The following NCF2 variants were observed in gnomAD, a reference collection of about 807,000 sequenced individuals.
NCF2 encodes neutrophil cytosol factor 2.
Under a neutral mutation model 70.9 loss-of-function variants are expected in NCF2, and 45 were observed. The ratio of observed to expected loss-of-function variants is 0.63; its 90% CI spans 0.50 to 0.81. The LOEUF (loss-of-function observed/expected upper bound fraction) is 0.81. Among genes scored for constraint, NCF2 ranks in the 40% least tolerant of loss-of-function variants. NCF2 has a pLI of 0.00. For synonymous variants in NCF2, 203 were observed against 233.6 expected, an observed-to-expected ratio of 0.87 and a Z score of 1.19; for missense variants, 522 against 631.6, an observed-to-expected ratio of 0.83 and a Z score of 1.86.
At chr1:183,580,516 C>T (rs1431994541) in intron 2 of NCF2, among the ~76,000 whole-genome samples, 1 of 152,174 alleles carries the variant, frequency 6.6e-6, no homozygotes, top group Non-Finnish European at 1.5e-5. Flanking sequence ...CTGAAGGTCT[C>T]AGAGGGCACA....
chr1:183,590,386 T>G lies in NCF2; in HGVS notation c.-57A>C, dbSNP rs1466179960. On this transcript the variant is annotated 5_prime_UTR_variant, in exon 1 of 15. Coordinates refer to ENST00000367535, the MANE Select transcript of NCF2 (RefSeq NM_000433.4). ...TGCCAGGAGACAGAGAGAAGACAGG[T>G]TGGAGCGTCTCCCCTAGCAGGGCTG... 6 of 1,603,584 alleles carry G rather than the reference T, an allele frequency of 3.7e-6. No homozygotes were observed. The highest frequency in any genetic ancestry group is 5.1e-6 in the Non-Finnish European group (6 of 1,171,592).
At chr1:183,587,104 C>G in intron 1 of NCF2, 127 bp from the exon 2 acceptor site, 5 of 863,096 alleles carry the variant, frequency 5.8e-6, no homozygotes, top group Non-Finnish European at 9.9e-6. Context: ...GTCGGCACCT[C>G]GAGGCCCACC....
upstream of NCF2, chr1:183,590,563 G>A: frequency 1.7e-6 from 1 of 597,192 alleles, no homozygotes; most frequent in Non-Finnish European, 3.0e-6. Flanking sequence ...AGAGAGAAAA[G>A]GAAAGAAGCA....
At chr1:183,591,951 C>T (rs1673672692), upstream of NCF2, among the ~76,000 whole-genome samples, 1 of 152,074 alleles carries the variant, frequency 6.6e-6, no homozygotes, top group South Asian at 2.1e-4. Context: ...TTACTAGTCT[C>T]TGAAAAAACA....
chr1:183,593,903 A>G (rs1463637372), upstream of NCF2, among the ~76,000 whole-genome samples: 2 of 152,100 alleles, frequency 1.3e-5, no homozygotes, highest in Non-Finnish European at 2.9e-5. Flanking sequence ...TCTGGGAAAG[A>G]TTTCTTCCCC....
chr1:183,572,082 G>A (rs538735832), intron 5 of NCF2, among the ~76,000 whole-genome samples: 1 of 152,208 alleles, frequency 6.6e-6, no homozygotes, highest in Non-Finnish European at 1.5e-5. Context: ...CGACCACTGG[G>A]CAACTTTAGC....
rs544745512 is a variant in NCF2, at chr1:183,590,241, C to T, written c.89G>A (p.Ser30Asn). The T allele has an allele frequency of 2.4e-5, 38 of 1,614,176 alleles. 3 individuals carry two copies. The South Asian group carries it at 3.6e-4, about 15-fold the overall frequency. Residue 30 changes from serine (S) to asparagine (N), a missense_variant, in exon 1 of 15, where the codon AGT (serine) becomes AAT (asparagine). Transcript: ENST00000367535. ...CCGGGAGTGGGGGTCCTGGACGGCA[C>T]TGAAGGCATCCAGGGCTCCCTTCCA... ...KDWKGALDAF[S>N]AVQDPHSRIC...
rs534490818 is a variant in NCF2, at chr1:183,556,145, A to C, written c.1554T>G (p.Asp518Glu). 15 of 1,614,188 alleles carry C rather than the reference A, an allele frequency of 9.3e-6. No individual in the cohort carries two copies. Among genetic ancestry groups the C allele is most frequent in the Middle Eastern group, 1.6e-4 (1 of 6,062 alleles). ...AGACTTCTCTCCGAGTGCTTTCCAA[A>C]TCTGTAGTTGCGCAGTCTTCAACAA... is the stretch of plus-strand genomic sequence containing the variant. ...KVFVEDCATT[D>E]LESTRREV The change falls in exon 15 of 15, where the codon GAT becomes GAG. Residue 518 changes from aspartate to glutamate, a missense_variant. Coordinates refer to ENST00000367535, the MANE Select transcript of NCF2 (RefSeq NM_000433.4).
chr1:183,557,864 A>G (rs964254744), intron 14 of NCF2, among the ~76,000 whole-genome samples: 4 of 151,856 alleles, frequency 2.6e-5, no homozygotes, highest in Non-Finnish European at 4.4e-5. Flanking sequence ...CTCTGCTTCT[A>G]TATTACTACT....
At chr1:183,597,541 C>G in the NCF2 span, among the ~76,000 whole-genome samples, 2 of 152,170 alleles carry the variant, frequency 1.3e-5, no homozygotes, top group African/African-American at 4.8e-5. Flanking sequence ...GAGGTCTGGA[C>G]TTCTATTGAT....
upstream of NCF2, among the ~76,000 whole-genome samples, chr1:183,594,362 T>A (rs1673734894): frequency 6.6e-6 from 1 of 152,194 alleles, no homozygotes; most frequent in Non-Finnish European, 1.5e-5. Flanking sequence ...TGAGTGATGA[T>A]CACGCCACTG....
the NCF2 span, among the ~76,000 whole-genome samples, chr1:183,598,571 C>G: frequency 5.2e-4 from 79 of 151,604 alleles, no homozygotes; most frequent in African/African-American, 1.8e-3. Context: ...CCAGAGTGAG[C>G]TGAGGCTGCA....
In NCF2 at chr1:183,563,996, A is replaced by T. The variant is rs2102884037; in HGVS notation, c.1026+9T>A. ...TACCACTTGAAACAGTATGAGGGAA[A>T]AATGTTACCTTAGGCTCTTCTTTTT... On this transcript the variant is annotated intron_variant, in intron 11 of 14. Coordinates refer to ENST00000367535, the MANE Select transcript of NCF2 (RefSeq NM_000433.4). The T allele has an allele frequency of 1.2e-6, 2 of 1,607,242 alleles. No individual in the cohort carries two copies. The highest frequency in any genetic ancestry group is 3.3e-5 in the Admixed American group (2 of 60,010).
In NCF2 at chr1:183,565,687, GC is replaced by G. The variant is rs1199825691; in HGVS notation, c.1000+16del. 6.2e-7 allele frequency: 1 copy of G among 1,611,212 alleles called. No homozygotes were observed. Among genetic ancestry groups the G allele is most frequent in the Non-Finnish European group, 8.5e-7 (1 of 1,178,980 alleles). Reference sequence around the variant, plus strand: ...CTGCTGCACCCAGACCTAGGCTGTGGCTCCAGGACCACTCACCTGGTGACAG... The same window carrying G: ...CTGCTGCACCCAGACCTAGGCTGTGGTCCAGGACCACTCACCTGGTGACAG... On this transcript the variant is annotated intron_variant, in intron 10 of 14. Transcript: ENST00000367535.
At chr1:183,599,420 TTCC>T in the NCF2 span, among the ~76,000 whole-genome samples, 1 of 137,064 alleles carries the variant, frequency 7.3e-6, no homozygotes, top group Non-Finnish European at 1.6e-5. Context: ...CTTTCTTTCT[TTCC>T]TTCTTTCTTT....
intron 2 of NCF2, among the ~76,000 whole-genome samples, chr1:183,584,667 G>A (rs536870357): frequency 7.2e-5 from 11 of 152,206 alleles, no homozygotes; most frequent in East Asian, 5.8e-4. Flanking sequence ...TAGAGTTTGC[G>A]TTTTGAGATT....
chr1:183,599,503 T>TCTTC, the NCF2 span, among the ~76,000 whole-genome samples: 1 of 148,546 alleles, frequency 6.7e-6, no homozygotes, highest in East Asian at 1.9e-4. Context: ...CTTTCTCTTT[T>TCTTC]CTTCCTTCCT....
chr1:183,578,282 C>T (rs886870044), intron 2 of NCF2, among the ~76,000 whole-genome samples: 1 of 151,934 alleles, frequency 6.6e-6, no homozygotes, highest in Admixed American at 6.5e-5. Context: ...CCTCACCGCC[C>T]GCCACTTCTG....
chr1:183,574,505 C>A lies in NCF2; in HGVS notation c.483G>T (p.Lys161Asn). ...KSEPRHSKID[K>N]AMECVWKQKL... The stretch of plus-strand genomic sequence containing the variant: ...CGCTTACCCAGACACACTCCATCGC[C>A]TTGTCGATTTTGGAATGTCTGGGCT... Residue 161 changes from lysine to asparagine, a missense_variant, in exon 4 of 15, where the codon AAG (lysine) becomes AAT (asparagine). Physicochemically the swap from Lys to Asn is moderately conservative, Grantham distance 94 (BLOSUM62 0). Coordinates refer to ENST00000367535, the MANE Select transcript of NCF2 (RefSeq NM_000433.4). The A allele has an allele frequency of 6.2e-7, 1 of 1,614,240 alleles. No homozygotes were observed. The highest frequency in any genetic ancestry group is 1.1e-5 in the South Asian group (1 of 91,086).
Sources: allele counts gnomAD v4.1 joint callset (sites outside exome capture counted in the v4.1 genomes callset), GRCh38; gene constraint gnomAD v4.1.1; transcripts MANE v1.5; gene names NCBI Gene and HGNC (gene_info 2026-07-23, HGNC 2026-07-21).